The following SUGCT variants were observed in gnomAD, a reference collection of about 807,000 sequenced individuals.
SUGCT encodes succinyl-CoA:glutarate-CoA transferase.
SUGCT carries 41 observed loss-of-function variants against 55.0 expected under a neutral mutation model. The observed-to-expected ratio is 0.74, with a 90% CI of 0.58 to 0.97. The LOEUF (loss-of-function observed/expected upper bound fraction) is 0.97. Ranked by LOEUF, SUGCT falls within the 50% of genes least tolerant of loss-of-function variation. SUGCT has a pLI of 0.00. For missense variants in SUGCT, 568 were observed against 547.8 expected (o/e 1.04, Z -0.37); for synonymous variants, 187 against 200.4 (o/e 0.93, Z 0.56).
chr7:41,008,518 C>T, the SUGCT span, among the ~76,000 whole-genome samples: 7 of 152,152 alleles, frequency 4.6e-5, no homozygotes, highest in African/African-American at 1.4e-4. Flanking sequence ...TACCACAGTC[C>T]CTCCAAGTCA....
chr7:40,677,027 C>T (rs917534355), intron 12 of SUGCT, among the ~76,000 whole-genome samples: 7 of 151,752 alleles, frequency 4.6e-5, no homozygotes, highest in African/African-American at 9.7e-5. Flanking sequence ...TGTTCCGAAA[C>T]GTATGTATGG....
At chr7:40,458,935 C>G (rs763102995) in intron 10 of SUGCT, among the ~76,000 whole-genome samples, 166 bp from the exon 11 acceptor site, 5 of 152,292 alleles carry the variant, frequency 3.3e-5, no homozygotes, top group South Asian at 4.2e-4. Context: ...CCAGCATGTT[C>G]CATCCTAATC....
intron 11 of SUGCT, among the ~76,000 whole-genome samples, chr7:40,469,624 G>T (rs189631103): frequency 6.6e-6 from 1 of 152,260 alleles, no homozygotes; most frequent in East Asian, 1.9e-4. Context: ...CGTGACCAGG[G>T]CTTTTTCCAC....
intron 12 of SUGCT, among the ~76,000 whole-genome samples, chr7:40,543,352 A>G (rs1236005377): frequency 1.3e-5 from 2 of 152,250 alleles, no homozygotes; most frequent in Non-Finnish European, 2.9e-5. Flanking sequence ...AAAAATGATA[A>G]CAAGTACAAA....
chr7:40,635,140 G>T (rs1051260058), intron 12 of SUGCT, among the ~76,000 whole-genome samples: 3 of 152,112 alleles, frequency 2.0e-5, no homozygotes, highest in Middle Eastern at 3.4e-3. Flanking sequence ...ACAAAAATTA[G>T]CTGGGCATGG....
the SUGCT span, among the ~76,000 whole-genome samples, chr7:40,926,846 A>T: frequency 6.6e-6 from 1 of 152,220 alleles, no homozygotes; most frequent in Non-Finnish European, 1.5e-5. Context: ...TGGCAGCCCA[A>T]CCAGACAAAT....
At chr7:40,281,504 A>G (rs553746274) in intron 8 of SUGCT, among the ~76,000 whole-genome samples, 2 of 152,344 alleles carry the variant, frequency 1.3e-5, no homozygotes, top group African/African-American at 4.8e-5. Flanking sequence ...GTGTTGAGGT[A>G]CATTCCTTCT....
chr7:40,556,689 T>G (rs1795577523), intron 12 of SUGCT, among the ~76,000 whole-genome samples: 1 of 152,252 alleles, frequency 6.6e-6, no homozygotes, highest in African/African-American at 2.4e-5. Flanking sequence ...AACCTTTTTG[T>G]GCTTCAGCTT....
Position 40,496,334 on chromosome 7 carries a change from G to A in SUGCT, c.1037G>A (p.Gly346Glu). Residue 346 changes from glycine (G) to glutamate (E), a missense_variant, in exon 12 of 14, where the codon GGA (glycine) becomes GAA (glutamate). Coordinates refer to ENST00000335693, the MANE Select transcript of SUGCT (RefSeq NM_001193313.2). ...SKWLYLFEGS[G>E]VPYGPINNMK... Reference sequence around the variant, plus strand: ...TGGTTATATCTTTTTGAAGGCAGTGGAGTCCCGTATGGCCCAATCAACAAC... The same window carrying A: ...TGGTTATATCTTTTTGAAGGCAGTGAAGTCCCGTATGGCCCAATCAACAAC... 6.2e-7 allele frequency: 1 copy of A among 1,613,324 alleles called. No individual in the cohort carries two copies. Among genetic ancestry groups the A allele is most frequent in the South Asian group, 1.1e-5 (1 of 90,956 alleles).
chr7:40,652,784 A>G (rs1040073568), intron 12 of SUGCT, among the ~76,000 whole-genome samples: 2 of 152,206 alleles, frequency 1.3e-5, no homozygotes, highest in Non-Finnish European at 2.9e-5. Flanking sequence ...TGTTTGCTAC[A>G]GTGCTGCCTA....
chr7:40,251,715 G>A (rs992178763), intron 7 of SUGCT, among the ~76,000 whole-genome samples: 4 of 151,970 alleles, frequency 2.6e-5, no homozygotes, highest in Non-Finnish European at 5.9e-5. Flanking sequence ...TTATTTCATT[G>A]TATTTTCCCC....
At chr7:40,870,657 C>T in the SUGCT span, among the ~76,000 whole-genome samples, 4 of 152,124 alleles carry the variant, frequency 2.6e-5, no homozygotes, top group Admixed American at 2.6e-4. Flanking sequence ...GTTTTGCCCA[C>T]GAATTTTAGC....
intron 9 of SUGCT, among the ~76,000 whole-genome samples, chr7:40,400,001 A>C (rs1785972362): frequency 6.6e-6 from 1 of 152,112 alleles, no homozygotes; most frequent in African/African-American, 2.4e-5. Context: ...GTGAGCCAAA[A>C]TTGTGCCACT....
At chr7:40,381,340 AATATT>A (rs1387035730) in intron 9 of SUGCT, among the ~76,000 whole-genome samples, 1 of 152,080 alleles carries the variant, frequency 6.6e-6, no homozygotes, top group Non-Finnish European at 1.5e-5. Context: ...CTTTTACAGG[AATATT>A]ATAAGACATT....
intron 1 of SUGCT, among the ~76,000 whole-genome samples, chr7:40,138,077 T>C (rs1787790029): frequency 6.6e-6 from 1 of 152,188 alleles, no homozygotes; most frequent in East Asian, 1.9e-4. Flanking sequence ...GGGCCTTCAG[T>C]GCATCCATCA....
intron 2 of SUGCT, 23 bp from the exon 3 acceptor site, chr7:40,181,932 A>C: frequency 7.0e-7 from 1 of 1,422,306 alleles, no homozygotes; most frequent in Non-Finnish European, 9.7e-7. Flanking sequence ...TAATTAATTT[A>C]TTTATCATTT....
intron 12 of SUGCT, among the ~76,000 whole-genome samples, chr7:40,561,737 G>A (rs1795850103): frequency 6.9e-6 from 1 of 144,242 alleles, no homozygotes; most frequent in Non-Finnish European, 1.5e-5. Flanking sequence ...TGTTGCCCAG[G>A]GTGGAGTGCA....
At chr7:40,585,967 A>C (rs1797355209) in intron 12 of SUGCT, among the ~76,000 whole-genome samples, 1 of 152,152 alleles carries the variant, frequency 6.6e-6, no homozygotes, top group South Asian at 2.1e-4. Context: ...GGTGAGAGCC[A>C]CTGTGCCTGG....
At chr7:41,002,810 A>G in the SUGCT span, among the ~76,000 whole-genome samples, 3 of 152,140 alleles carry the variant, frequency 2.0e-5, no homozygotes, top group Admixed American at 1.3e-4. Flanking sequence ...ATAGGTGAGG[A>G]AAATGAAATA....
Sources: allele counts gnomAD v4.1 joint callset (sites outside exome capture counted in the v4.1 genomes callset), GRCh38; gene constraint gnomAD v4.1.1; transcripts MANE v1.5; gene names NCBI Gene and HGNC (gene_info 2026-07-23, HGNC 2026-07-21).